Variants in SLC6A20 observed in about 807,000 individuals in gnomAD.
SLC6A20 encodes the protein sodium- and chloride-dependent transporter XTRP3.
SLC6A20 carries 73 observed loss-of-function variants against 64.3 expected under a neutral mutation model. The observed-to-expected ratio is 1.14, with a 90% CI of 0.94 to 1.38. The LOEUF (loss-of-function observed/expected upper bound fraction) is 1.38. Ranked by LOEUF, SLC6A20 falls within the 40% of genes most tolerant of loss-of-function variation. SLC6A20 has a pLI of 0.00. For missense variants in SLC6A20, 725 were observed against 772.8 expected (o/e 0.94, Z 0.73); for synonymous variants, 347 against 329.6 (o/e 1.05, Z -0.57).
chr3:45,796,212 T>C, intron 1 of SLC6A20, 87 bp downstream of exon 1: 1 of 1,525,050 alleles, frequency 6.6e-7, no homozygotes. Flanking sequence ...AGTGTGCCGT[T>C]CTGTAACTTG....
intron 9 of SLC6A20, among the ~76,000 whole-genome samples, chr3:45,761,143 G>A (rs987810477): frequency 6.6e-6 from 1 of 152,208 alleles, no homozygotes; most frequent in Admixed American, 6.5e-5. Context: ...GCTCATGTAT[G>A]TGACACGAAA....
In SLC6A20 at chr3:45,758,961, G is replaced by T. The variant is rs778375440; in HGVS notation, c.*17C>A. On this transcript the variant is annotated 3_prime_UTR_variant, in exon 11 of 11. Coordinates refer to ENST00000358525, the MANE Select transcript of SLC6A20 (RefSeq NM_020208.4). ...AATAGTATCTGTAAAACCGTGAGCG[G>T]CTGGGAAGCCCACATCTCAGGCCAC... 6 of 1,585,318 alleles carry T rather than the reference G, an allele frequency of 3.8e-6. No individual in the cohort carries two copies. Among genetic ancestry groups the T allele is most frequent in the Non-Finnish European group, 5.1e-6 (6 of 1,166,428 alleles).
At chr3:45,766,205 C>T in intron 7 of SLC6A20, among the ~76,000 whole-genome samples, 1 of 152,192 alleles carries the variant, frequency 6.6e-6, no homozygotes, top group East Asian at 1.9e-4. Flanking sequence ...CGTCCCTGTG[C>T]TGGTAACTCT....
Position 45,770,636 on chromosome 3 carries a change from GCTCT to G in SLC6A20, c.936-269_936-266del, listed in dbSNP as rs146884476. ...CAGAAGTTTCTGTGCTGATGAAAAT[GCTCT>G]CTATCTGGGCTGTCCAATTTGGTAC... On this transcript the variant is annotated intron_variant, in intron 6 of 10. Transcript: ENST00000358525. Among the ~76,000 whole-genome samples, 291 of 152,316 alleles carry G rather than the reference GCTCT, an allele frequency of 1.9e-3. 6 individuals carry two copies. In the South Asian group the frequency reaches 0.029, roughly 15 times the overall value.
Position 45,796,306 on chromosome 3 carries a change from G to C in SLC6A20, c.114C>G (p.Tyr38Ter). 1 of 1,608,178 alleles carries C rather than the reference G, an allele frequency of 6.2e-7. No homozygotes were observed. Among genetic ancestry groups the C allele is most frequent in the South Asian group, 1.1e-5 (1 of 90,162 alleles). Residue 38 changes from tyrosine (Y) to a stop codon, truncating the protein, a stop_gained, in exon 1 of 11, where the codon TAC becomes TAG. Transcript: ENST00000358525. LOFTEE classifies it high-confidence loss of function. ...VWRFPYLCQM[Y>*]GGGSFLVPYI... Reference sequence around the variant, plus strand: ...GGCGCGGTGGGCACTCACCTCCGCCGTACATCTGGCACAGGTACGGGAATC... The same window carrying C: ...GGCGCGGTGGGCACTCACCTCCGCCCTACATCTGGCACAGGTACGGGAATC...
intron 4 of SLC6A20, among the ~76,000 whole-genome samples, chr3:45,772,880 G>C (rs1415048437): frequency 6.6e-6 from 1 of 152,126 alleles, no homozygotes; most frequent in African/African-American, 2.4e-5. Context: ...CCGAGCCTCT[G>C]CCTTCCACCC....
chr3:45,765,516 C>T lies in SLC6A20; in HGVS notation c.1303+21G>A. 6.2e-7 allele frequency: 1 copy of T among 1,603,294 alleles called. No homozygotes were observed. On this transcript the variant is annotated intron_variant, in intron 8 of 10. Transcript: ENST00000358525. This position sits in a 1 kb window ranked among gnomAD's most constrained non-coding sequence, Gnocchi z 4.2. ...TTGGCCCTCCTGACCCCTGCCTCCT[C>T]CACTGGCTGGCCCCGCTGACCTGAG...
Position 45,796,440 on chromosome 3 carries a change from C to T in SLC6A20, c.-21G>A. ...TCCATGGCCCCGGCCTCGGCGCGCT[C>T]GGCTCCGGCTCGGGGGTCCGGCACG... On this transcript the variant is annotated 5_prime_UTR_variant, in exon 1 of 11. Coordinates refer to ENST00000358525, the MANE Select transcript of SLC6A20 (RefSeq NM_020208.4). 1 of 1,603,450 alleles carries T rather than the reference C, an allele frequency of 6.2e-7. No individual in the cohort carries two copies. Among genetic ancestry groups the T allele is most frequent in the South Asian group, 1.1e-5 (1 of 90,120 alleles).
intron 9 of SLC6A20, among the ~76,000 whole-genome samples, chr3:45,760,539 C>T (rs958521684): frequency 3.3e-5 from 5 of 152,132 alleles, no homozygotes; most frequent in Non-Finnish European, 5.9e-5. Flanking sequence ...GAGCCAACCT[C>T]GGACTGAAGG....
At chr3:45,760,374 C>T (rs1315902596) in intron 9 of SLC6A20, among the ~76,000 whole-genome samples, 1 of 152,220 alleles carries the variant, frequency 6.6e-6, no homozygotes. Flanking sequence ...ATTTGTCAGG[C>T]TGGTCATCAA....
At position 45,765,246 on chromosome 3, in the gene SLC6A20, A is replaced by G. The variant is rs1240855137; in HGVS notation, c.1303+291T>C. Among the ~76,000 whole-genome samples, 2 of 152,168 alleles carry G rather than the reference A, an allele frequency of 1.3e-5. No individual in the cohort carries two copies. The highest frequency in any genetic ancestry group is 4.8e-5 in the African/African-American group (2 of 41,432). On this transcript the variant is annotated intron_variant, in intron 8 of 10. Transcript: ENST00000358525. This position sits in a 1 kb window ranked among gnomAD's most constrained non-coding sequence, Gnocchi z 4.2. ...ATAATATACTTCAATGAAAATGAAC[A>G]GAAACAAAATCGAGTTCTCTCCTAG...
chr3:45,786,370 G>T (rs1700169566), intron 1 of SLC6A20, among the ~76,000 whole-genome samples: 1 of 152,152 alleles, frequency 6.6e-6, no homozygotes, highest in African/African-American at 2.4e-5. Context: ...TTTAATCTGG[G>T]ACACCTCCTT....
chr3:45,756,354 A>T lies in SLC6A20; in HGVS notation c.*2624T>A, dbSNP rs1163604811. 1 of 152,160 alleles carries T rather than the reference A, an allele frequency of 6.6e-6. No individual in the cohort carries two copies. Among genetic ancestry groups the T allele is most frequent in the African/African-American group, 2.4e-5 (1 of 41,430 alleles). The allele number at this position is 152,160 out of a possible 1,614,324, so 9.4% of individuals were successfully genotyped here. A position where few individuals can be genotyped will look rare whatever the true frequency, so the allele number is the denominator to read the frequency against. ...AGACTCGGTGCTGTGTTTGCCATTG[A>T]GTGTGCCGGCTCTTCAAGCCTTGAC... On this transcript the variant is annotated 3_prime_UTR_variant, in exon 11 of 11. Coordinates refer to ENST00000358525, the MANE Select transcript of SLC6A20 (RefSeq NM_020208.4).
intron 1 of SLC6A20, among the ~76,000 whole-genome samples, chr3:45,795,440 A>G (rs1253207940): frequency 6.6e-6 from 1 of 152,164 alleles, no homozygotes; most frequent in Non-Finnish European, 1.5e-5. Flanking sequence ...GAAGTTGCCA[A>G]TGTTTTGCTC....
intron 1 of SLC6A20, among the ~76,000 whole-genome samples, chr3:45,783,305 G>A (rs1700126036): frequency 6.6e-6 from 1 of 152,208 alleles, no homozygotes; most frequent in Non-Finnish European, 1.5e-5. Flanking sequence ...AAAGATTAAG[G>A]GCTGATTACA....
intron 3 of SLC6A20, 74 bp downstream of exon 3, chr3:45,779,935 C>T (rs931532887): frequency 6.7e-7 from 1 of 1,482,928 alleles, no homozygotes; most frequent in Non-Finnish European, 9.2e-7. Context: ...CACCCCCTTC[C>T]CCGAGCGGGT....
In SLC6A20 at chr3:45,756,408, C is replaced by G. The variant is rs895638357; in HGVS notation, c.*2570G>C. The G allele has an allele frequency of 2.0e-5, 3 of 152,114 alleles. No homozygotes were observed. Among genetic ancestry groups the G allele is most frequent in the Admixed American group, 1.3e-4 (2 of 15,274 alleles). 9.4% of individuals were successfully genotyped at this position (152,114 alleles called of 1,614,324 possible). A position where few individuals can be genotyped will look rare whatever the true frequency, so the allele number is the denominator to read the frequency against. On this transcript the variant is annotated 3_prime_UTR_variant, in exon 11 of 11. Coordinates refer to ENST00000358525, the MANE Select transcript of SLC6A20 (RefSeq NM_020208.4). ...AGGTTTTTTGACATAAAAGAACCTT[C>G]TGATAAGAAGATTGAATCCACGGGG...
At chr3:45,775,178 C>A (rs560695434) in intron 4 of SLC6A20, among the ~76,000 whole-genome samples, 1 of 152,056 alleles carries the variant, frequency 6.6e-6, no homozygotes, top group Non-Finnish European at 1.5e-5. Context: ...AGATCAAGCC[C>A]GACAGCTCTG....
intron 7 of SLC6A20, 111 bp downstream of exon 7, chr3:45,770,098 G>C: frequency 7.1e-7 from 1 of 1,412,948 alleles, no homozygotes; most frequent in Non-Finnish European, 9.7e-7. Context: ...AGTAATTCAG[G>C]ATCCTTCTTT....
Sources: allele counts gnomAD v4.1 joint callset (sites outside exome capture counted in the v4.1 genomes callset), GRCh38; gene constraint gnomAD v4.1.1; non-coding constraint Gnocchi (gnomAD v3.1); transcripts MANE v1.5; gene names NCBI Gene and HGNC (gene_info 2026-07-23, HGNC 2026-07-21).